Variants in HAS2 observed in about 807,000 individuals in gnomAD.
The protein encoded by HAS2 is hyaluronan synthase 2.
A neutral mutation model predicts 51.6 loss-of-function variants in HAS2; 16 were observed. That is an observed-to-expected ratio of 0.31 (90% confidence interval 0.21 to 0.47). The LOEUF is 0.47. Ranked by LOEUF, HAS2 falls within the 20% of genes least tolerant of loss-of-function variation. The pLI, the probability that HAS2 is intolerant of heterozygous loss-of-function variation, is 1.00. For synonymous variants in HAS2, 228 were observed against 235.5 expected (o/e 0.97, Z 0.29); for missense variants, 361 against 662.6 (o/e 0.54, Z 5.00).
At chr8:121,635,557 C>A (rs1243421157) in intron 1 of HAS2, among the ~76,000 whole-genome samples, 1 of 152,172 alleles carries the variant, frequency 6.6e-6, no homozygotes, top group Non-Finnish European at 1.5e-5. Flanking sequence ...ATATTAGCAA[C>A]CTGGCTCAGA....
chr8:121,614,538 CAAG>C lies in HAS2; in HGVS notation c.1227_1229del (p.Phe409del). 6.2e-7 allele frequency: 1 copy of C among 1,614,062 alleles called. No individual in the cohort carries two copies. The highest frequency in any genetic ancestry group is 1.1e-5 in the South Asian group (1 of 91,068). Reference sequence around the variant, plus strand: ...TGAGACCTACTAGCTGGACAGTTAACAAGAAGAGGAGAATGTTCCAAATTTTAC... The same window carrying C: ...TGAGACCTACTAGCTGGACAGTTAACAAGAGGAGAATGTTCCAAATTTTAC... On this transcript the variant is annotated inframe_deletion, in exon 4 of 4. Coordinates refer to ENST00000303924, the MANE Select transcript of HAS2 (RefSeq NM_005328.3). This position sits in a 1 kb window ranked among gnomAD's most constrained non-coding sequence, Gnocchi z 7.2.
chr8:121,618,002 CAAA>C (rs11356339), intron 2 of HAS2, among the ~76,000 whole-genome samples: 3 of 126,402 alleles, frequency 2.4e-5, no homozygotes, highest in African/African-American at 5.5e-5. Context: ...TTCTATGAGC[CAAA>C]AAAAAAAAAA....
rs762852815 is a variant in HAS2, at chr8:121,614,291, T to C, written c.1477A>G (p.Ile493Val). Residue 493 changes from isoleucine to valine, a missense_variant, in exon 4 of 4, where the codon ATT (isoleucine) becomes GTT (valine). Physicochemically the swap from Ile to Val is conservative, Grantham distance 29. Around this residue, in one of 5 missense-constraint regions of HAS2, gnomAD observed 61 missense variants for 73.1 expected, o/e 0.84. Transcript: ENST00000303924. This position sits in a 1 kb window ranked among gnomAD's most constrained non-coding sequence, Gnocchi z 7.2. Reference sequence around the variant, plus strand: ...TTAGACTCCTTATAAATGGTGAAAATCACACCACCCAGGAGGATTGTAAAC... The same window carrying C: ...TTAGACTCCTTATAAATGGTGAAAACCACACCACCCAGGAGGATTGTAAAC... ...VWFTILLGGV[I>V]FTIYKESKRP... 1 of 1,614,084 alleles carries C rather than the reference T, an allele frequency of 6.2e-7. No homozygotes were observed. Among genetic ancestry groups the C allele is most frequent in the East Asian group, 2.2e-5 (1 of 44,866 alleles).
intron 2 of HAS2, among the ~76,000 whole-genome samples, chr8:121,620,471 G>A (rs1188383016): frequency 6.6e-6 from 1 of 152,148 alleles, no homozygotes; most frequent in Non-Finnish European, 1.5e-5. Context: ...TTGCACACAG[G>A]AAAGAGAACA....
At chr8:121,639,289 C>T (rs1363886283) in intron 1 of HAS2, 1 of 152,242 alleles carries the variant, frequency 6.6e-6, no homozygotes, top group East Asian at 1.9e-4. Flanking sequence ...CCGTGTGTGA[C>T]GTCAAAGGCA....
chr8:121,637,714 G>T (rs1018648877), intron 1 of HAS2, among the ~76,000 whole-genome samples: 2 of 152,192 alleles, frequency 1.3e-5, no homozygotes, highest in Non-Finnish European at 2.9e-5. Flanking sequence ...TATGCAGTAG[G>T]ATAATACTCT....
intron 2 of HAS2, among the ~76,000 whole-genome samples, chr8:121,623,639 AC>A (rs1812804586): frequency 6.6e-6 from 1 of 152,164 alleles, no homozygotes; most frequent in African/African-American, 2.4e-5. Context: ...TTACACCAAT[AC>A]TGACTTAAGA....
chr8:121,638,208 G>A (rs1813039878), intron 1 of HAS2, among the ~76,000 whole-genome samples: 1 of 152,064 alleles, frequency 6.6e-6, no homozygotes, highest in Non-Finnish European at 1.5e-5. Context: ...AATACTATGG[G>A]GCTATATTCT....
intron 1 of HAS2, 134 bp from the exon 2 acceptor site, chr8:121,629,474 G>C (rs1048396690): frequency 2.8e-6 from 2 of 718,372 alleles, no homozygotes. Context: ...CCAACTCATT[G>C]TGTGACTTTC....
chr8:121,629,422 T>C, intron 1 of HAS2, 82 bp from the exon 2 acceptor site: 1 of 1,107,092 alleles, frequency 9.0e-7, no homozygotes, highest in Non-Finnish European at 1.3e-6. Flanking sequence ...GGGAGAGTAT[T>C]GGACTAGAAG....
At position 121,614,184 on chromosome 8, in the gene HAS2, C is replaced by T. The variant is rs763025947; in HGVS notation, c.1584G>A (p.Thr528=). ...ACTTATTGATGAGAACTACATACAG[C>T]GTCAAAAGCATGACCCAATAGCATG... The part of the protein sequence containing the change: ...LYACYWVMLL[T]LYVVLINKCG... Residue 528 remains threonine, a synonymous_variant, in exon 4 of 4, where the codon ACG becomes ACA. Coordinates refer to ENST00000303924, the MANE Select transcript of HAS2 (RefSeq NM_005328.3). The surrounding 1 kb of genome is among the most constrained non-coding windows in gnomAD (Gnocchi z 7.2). 5 of 1,614,110 alleles carry T rather than the reference C, an allele frequency of 3.1e-6. No homozygotes were observed. Among genetic ancestry groups the T allele is most frequent in the South Asian group, 1.1e-5 (1 of 91,080 alleles).
At position 121,614,334 on chromosome 8, in the gene HAS2, G is replaced by A. The variant is rs369276967; in HGVS notation, c.1434C>T (p.Leu478=). The change falls in exon 4 of 4, where the codon CTC becomes CTT. Residue 478 remains leucine, a synonymous_variant. Transcript: ENST00000303924. This position sits in a 1 kb window ranked among gnomAD's most constrained non-coding sequence, Gnocchi z 7.2. The part of the protein sequence containing the change: ...RKTIVVNFIG[L]IPVSVWFTIL... Reference sequence around the variant, plus strand: ...TTGTAAACCAAACTGATACTGGAATGAGTCCTATGAAATTAACAACAATGG... The same window carrying A: ...TTGTAAACCAAACTGATACTGGAATAAGTCCTATGAAATTAACAACAATGG... 1.9e-5 allele frequency: 30 copies of A among 1,613,882 alleles called. No individual in the cohort carries two copies. The highest frequency in any genetic ancestry group is 2.3e-5 in the Non-Finnish European group (27 of 1,179,862).
At chr8:121,631,638 C>T (rs545342822) in intron 1 of HAS2, among the ~76,000 whole-genome samples, 8 of 152,260 alleles carry the variant, frequency 5.3e-5, no homozygotes, top group Non-Finnish European at 1.0e-4. Flanking sequence ...TGGTGAAATG[C>T]TGAGTTTTCA....
chr8:121,625,675 ATTTTTTTTTTT>A (rs934743239), intron 2 of HAS2, among the ~76,000 whole-genome samples: 9 of 108,104 alleles, frequency 8.3e-5, no homozygotes, highest in African/African-American at 1.2e-4. Flanking sequence ...AGTCCAGCTA[ATTTTTTTTTTT>A]TTTTTTTTTT....
rs1162109593 is a variant in HAS2, at chr8:121,612,822, T to C, written c.*1287A>G. The C allele has an allele frequency of 2.6e-5, 4 of 152,032 alleles. No homozygotes were observed. Among genetic ancestry groups the C allele is most frequent in the Non-Finnish European group, 5.9e-5 (4 of 67,990 alleles). The allele number at this position is 152,032 out of a possible 1,614,324, so 9.4% of individuals were successfully genotyped here. On this transcript the variant is annotated 3_prime_UTR_variant, in exon 4 of 4. Transcript: ENST00000303924. ...AATTCAGAAAAACAAAATTCCTCAT[T>C]TGAAAGTAAAAGAGGATAGATACTT... is the stretch of plus-strand genomic sequence containing the variant.
At chr8:121,615,533 C>T (rs377143576) in intron 3 of HAS2, among the ~76,000 whole-genome samples, 16 of 152,190 alleles carry the variant, frequency 1.1e-4, no homozygotes, top group East Asian at 7.7e-4. Flanking sequence ...CCATTTTGGC[C>T]AGGCTGGTCT....
chr8:121,632,279 G>A (rs921348285), intron 1 of HAS2, among the ~76,000 whole-genome samples: 1 of 152,084 alleles, frequency 6.6e-6, no homozygotes, highest in South Asian at 2.1e-4. Flanking sequence ...ATTGATATGG[G>A]CACCATGTGT....
chr8:121,635,973 A>G lies in HAS2; in HGVS notation c.-1+4880T>C, dbSNP rs1003980478. On this transcript the variant is annotated intron_variant, in intron 1 of 3. Transcript: ENST00000303924. ...GACATACTCAGGTCAGGTGGTAGCT[A>G]TCTGCTGGCTGAGTGGATTAGGAAG... Among the ~76,000 whole-genome samples the G allele has an allele frequency of 4.6e-5, 7 of 152,244 alleles. No homozygotes were observed. The South Asian group carries it at 1.2e-3, about 27-fold the overall frequency.
In HAS2 at chr8:121,614,397, T is replaced by G. The variant is rs1280269647; in HGVS notation, c.1371A>C (p.Thr457=). The part of the protein sequence containing the change: ...LLPAKMFAIA[T]INKAGWGTSG... ...ATGTGCCCCACCCAGCTTTGTTTATTGTTGCAATTGCAAACATCTTGGCGG... is the reference window on the plus strand; with the variant it reads ...ATGTGCCCCACCCAGCTTTGTTTATGGTTGCAATTGCAAACATCTTGGCGG... The change falls in exon 4 of 4, where the codon ACA becomes ACC. Residue 457 remains threonine, a synonymous_variant. Coordinates refer to ENST00000303924, the MANE Select transcript of HAS2 (RefSeq NM_005328.3). This position sits in a 1 kb window ranked among gnomAD's most constrained non-coding sequence, Gnocchi z 7.2. The G allele has an allele frequency of 1.2e-6, 2 of 1,614,062 alleles. No individual in the cohort carries two copies. The highest frequency in any genetic ancestry group is 1.7e-6 in the Non-Finnish European group (2 of 1,180,036).
Sources: allele counts gnomAD v4.1 joint callset (sites outside exome capture counted in the v4.1 genomes callset), GRCh38; gene constraint gnomAD v4.1.1; regional missense constraint gnomAD v4.1.1; non-coding constraint Gnocchi (gnomAD v3.1); transcripts MANE v1.5; gene names NCBI Gene and HGNC (gene_info 2026-07-23, HGNC 2026-07-21).